MME: variants seen among roughly 807,000 people sequenced by gnomAD.
The protein encoded by MME is neprilysin.
Under a neutral mutation model 113.2 loss-of-function variants are expected in MME, and 98 were observed. The observed-to-expected ratio is 0.87, with a 90% CI of 0.74 to 1.02. The LOEUF is 1.02. MME is among the 50% of genes least tolerant of loss of function. MME has a pLI of 0.00. For synonymous variants in MME, 292 were observed against 300.6 expected (o/e 0.97, Z 0.30); for missense variants, 836 against 896.0 (o/e 0.93, Z 0.86).
At chr3:155,026,487 G>A (rs2108110346) in intron 1 of MME, among the ~76,000 whole-genome samples, 1 of 152,270 alleles carries the variant, frequency 6.6e-6, no homozygotes, top group Middle Eastern at 3.4e-3. Context: ...ACTTTGGGAG[G>A]CCGAGGTGGG....
At chr3:155,080,894 A>G (rs1379147779) in intron 1 of MME, 2 of 152,118 alleles carry the variant, frequency 1.3e-5, no homozygotes, top group Non-Finnish European at 2.9e-5. Context: ...ATCCCCTGCC[A>G]TTTTTGTGGG....
chr3:155,066,377 G>T (rs1714379860), intron 1 of MME, among the ~76,000 whole-genome samples: 1 of 152,056 alleles, frequency 6.6e-6, no homozygotes, highest in South Asian at 2.1e-4. Flanking sequence ...TGCTCTAGTT[G>T]ATTCCAGGGC....
chr3:155,067,259 A>G (rs1222995796), intron 1 of MME, among the ~76,000 whole-genome samples: 1 of 147,178 alleles, frequency 6.8e-6, no homozygotes, highest in Non-Finnish European at 1.5e-5. Context: ...TGTATGTTTT[A>G]AAAATTTATA....
intron 8 of MME, among the ~76,000 whole-genome samples, chr3:155,124,271 A>G (rs1719404927): frequency 6.6e-6 from 1 of 151,812 alleles, no homozygotes. Flanking sequence ...CAGCTCCATC[A>G]GCTCCTTTAA....
chr3:155,029,142 G>A (rs557721705), intron 1 of MME, among the ~76,000 whole-genome samples: 10 of 152,168 alleles, frequency 6.6e-5, no homozygotes, highest in Non-Finnish European at 1.5e-4. Context: ...CATGCAAAAG[G>A]GAAGCACAAT....
intron 10 of MME, among the ~76,000 whole-genome samples, chr3:155,141,215 A>G (rs1721064508): frequency 6.6e-6 from 1 of 152,216 alleles, no homozygotes; most frequent in South Asian, 2.1e-4. Flanking sequence ...GACATCTTAC[A>G]TAGAATTTTT....
chr3:155,158,273 A>G (rs75553497), intron 16 of MME: 91 of 152,210 alleles, frequency 6.0e-4, no homozygotes, highest in African/African-American at 2.1e-3. Flanking sequence ...CACTGTCACT[A>G]AACCAGAAGT....
intron 1 of MME, among the ~76,000 whole-genome samples, chr3:155,061,717 A>G (rs1180877007): frequency 2.8e-5 from 4 of 142,992 alleles, no homozygotes; most frequent in Admixed American, 7.3e-5. Flanking sequence ...GCTGGAGTGC[A>G]GTGGCACAGT....
At chr3:155,039,998 T>C (rs1360318038) in intron 1 of MME, among the ~76,000 whole-genome samples, 1 of 152,110 alleles carries the variant, frequency 6.6e-6, no homozygotes, top group Non-Finnish European at 1.5e-5. Context: ...CCTTATGGCA[T>C]TGGGTACTTT....
intron 3 of MME, among the ~76,000 whole-genome samples, chr3:155,098,155 A>T (rs187213160): frequency 1.2e-4 from 18 of 152,320 alleles, no homozygotes; most frequent in Non-Finnish European, 1.9e-4. Flanking sequence ...GGGTAGGCTC[A>T]TTTGCAGGGG....
Position 155,182,901 on chromosome 3 carries a change from G to A in MME, c.*2442G>A, listed in dbSNP as rs12765. ...TTACATGGTACTCTTGTTGAGTTCT[G>A]TAGAGCCTTCTGATGTCTCTAAAGC... On this transcript the variant is annotated 3_prime_UTR_variant, in exon 23 of 23. Transcript: ENST00000360490. 0.7 allele frequency: 105,973 copies of A among 152,136 alleles called. 36,984 individuals are homozygous for A. The highest frequency in any genetic ancestry group is 0.71 in the African/African-American group (29,527 of 41,468). The allele number at this position is 152,136 out of a possible 1,614,324, so 9.4% of individuals were successfully genotyped here.
intron 3 of MME, among the ~76,000 whole-genome samples, chr3:155,108,996 T>G (rs1717937006): frequency 6.6e-6 from 1 of 152,164 alleles, no homozygotes; most frequent in Non-Finnish European, 1.5e-5. Flanking sequence ...CCCGTGTAAC[T>G]GGAATTTCAC....
chr3:155,043,908 A>C (rs920973021), intron 1 of MME, among the ~76,000 whole-genome samples: 2 of 152,044 alleles, frequency 1.3e-5, no homozygotes, highest in Admixed American at 1.3e-4. Context: ...CATCCCCAAA[A>C]GCTTTTGCTA....
chr3:155,053,973 G>A (rs115837340), intron 1 of MME, among the ~76,000 whole-genome samples: 3,954 of 152,182 alleles, frequency 0.026, 76 homozygotes, highest in Non-Finnish European at 0.037. Flanking sequence ...TCTCCCTATG[G>A]AAATGAAAAT....
chr3:155,074,554 C>T (rs1346563416), intron 1 of MME, among the ~76,000 whole-genome samples: 1 of 151,978 alleles, frequency 6.6e-6, no homozygotes, highest in Non-Finnish European at 1.5e-5. Context: ...ACCTCAGCCT[C>T]CTGAGTAGCT....
At chr3:155,038,791 A>C (rs547848519) in intron 1 of MME, among the ~76,000 whole-genome samples, 17 of 152,220 alleles carry the variant, frequency 1.1e-4, no homozygotes, top group Non-Finnish European at 2.4e-4. Context: ...TTCCTTATTA[A>C]GTTGACAACT....
chr3:155,139,256 C>A (rs1260032904), intron 9 of MME, among the ~76,000 whole-genome samples: 1 of 152,122 alleles, frequency 6.6e-6, no homozygotes, highest in Non-Finnish European at 1.5e-5. Flanking sequence ...AGCATCAGCT[C>A]TGTAGTGTTG....
intron 1 of MME, among the ~76,000 whole-genome samples, chr3:155,036,886 G>A (rs1056763695): frequency 1.3e-5 from 2 of 151,978 alleles, no homozygotes; most frequent in African/African-American, 4.8e-5. Context: ...TTTAAGTTTA[G>A]CTCTATGATT....
At chr3:155,094,411 A>C (rs1716547195) in intron 3 of MME, among the ~76,000 whole-genome samples, 1 of 152,186 alleles carries the variant, frequency 6.6e-6, no homozygotes. Context: ...CTTCAGGGAG[A>C]TGCACCATAG....
Sources: allele counts gnomAD v4.1 joint callset (sites outside exome capture counted in the v4.1 genomes callset), GRCh38; gene constraint gnomAD v4.1.1; transcripts MANE v1.5; gene names NCBI Gene and HGNC (gene_info 2026-07-23, HGNC 2026-07-21).